Variants in METTL24 observed in about 807,000 individuals in gnomAD.
METTL24 encodes the protein methyltransferase like 24, also known as probable methyltransferase-like protein 24.
In METTL24, 29 loss-of-function variants were observed where a neutral mutation model predicts 32.7. That is an observed-to-expected ratio of 0.89 (90% confidence interval 0.66 to 1.21). The LOEUF is 1.21. METTL24 is among the 50% of genes most tolerant of loss of function. The pLI is 0.00. For missense variants in METTL24, 439 were observed against 468.1 expected (o/e 0.94, Z 0.57); for synonymous variants, 163 against 179.5 (o/e 0.91, Z 0.73).
chr6:110,341,298 G>T (rs1214004429), intron 1 of METTL24, among the ~76,000 whole-genome samples: 1 of 152,180 alleles, frequency 6.6e-6, no homozygotes, highest in Non-Finnish European at 1.5e-5. Context: ...CAGGAATAAG[G>T]CCCAGGCATT....
At chr6:110,269,558 TA>T (rs912206825) in intron 4 of METTL24, among the ~76,000 whole-genome samples, 1 of 152,186 alleles carries the variant, frequency 6.6e-6, no homozygotes, top group African/African-American at 2.4e-5. Context: ...AGAGCTATGA[TA>T]AAAAATGAGA....
intron 4 of METTL24, among the ~76,000 whole-genome samples, chr6:110,287,392 C>T (rs1771243680): frequency 6.6e-6 from 1 of 152,170 alleles, no homozygotes; most frequent in African/African-American, 2.4e-5. Context: ...GCTAAATTGC[C>T]ACTGGCTTAT....
At chr6:110,303,444 C>A (rs148884410) in intron 3 of METTL24, among the ~76,000 whole-genome samples, 3,649 of 152,286 alleles carry the variant, frequency 0.024, 157 homozygotes, top group African/African-American at 0.083. Context: ...GCACAGCAGT[C>A]TGAAGTTGAC....
chr6:110,322,921 TG>T (rs1324937632), intron 1 of METTL24, 49 bp from the exon 2 acceptor site: 3 of 1,473,910 alleles, frequency 2.0e-6, no homozygotes, highest in Admixed American at 3.4e-5. Flanking sequence ...AGGAACTGGG[TG>T]GGAGGAGAAG....
intron 1 of METTL24, among the ~76,000 whole-genome samples, chr6:110,356,930 T>C (rs1772711305): frequency 6.6e-6 from 1 of 152,160 alleles, no homozygotes; most frequent in South Asian, 2.1e-4. Flanking sequence ...AGTGCTGGGT[T>C]GTGGTGCTGA....
intron 4 of METTL24, among the ~76,000 whole-genome samples, chr6:110,262,271 T>C (rs148034793): frequency 0.072 from 10,898 of 152,030 alleles, 573 homozygotes; most frequent in African/African-American, 0.16. Flanking sequence ...ACAATAATAA[T>C]TGATAAAGGG....
chr6:110,296,676 A>G (rs1157386724), intron 4 of METTL24, among the ~76,000 whole-genome samples: 3 of 152,220 alleles, frequency 2.0e-5, no homozygotes, highest in East Asian at 3.8e-4. Flanking sequence ...AAATTACTAC[A>G]AAACTATATG....
intron 1 of METTL24, among the ~76,000 whole-genome samples, chr6:110,350,831 A>G (rs1408791318): frequency 2.6e-5 from 4 of 152,022 alleles, no homozygotes; most frequent in Non-Finnish European, 5.9e-5. Flanking sequence ...AAATTAGGCC[A>G]GGCTCAGTGG....
intron 4 of METTL24, among the ~76,000 whole-genome samples, chr6:110,273,342 T>C (rs894549808): frequency 1.3e-5 from 2 of 152,170 alleles, no homozygotes; most frequent in Admixed American, 1.3e-4. Context: ...AGCACAAAAT[T>C]TTCTTGCAAT....
In METTL24 at chr6:110,244,762, C is replaced by T. The variant is rs915308329; in HGVS notation, c.*1184G>A. Among the ~76,000 whole-genome samples, 2 of 152,150 alleles carry T rather than the reference C, an allele frequency of 1.3e-5. No homozygotes were observed. The highest frequency in any genetic ancestry group is 2.4e-5 in the African/African-American group (1 of 41,444). The stretch of plus-strand genomic sequence containing the variant: ...GATTCAATTACCTCTCACCAGGTCC[C>T]TCCCACAACACGTGGGGATTATGGG... On this transcript the variant is annotated 3_prime_UTR_variant, in exon 5 of 5. Transcript: ENST00000338882.
At chr6:110,271,698 G>C (rs536993006) in intron 4 of METTL24, among the ~76,000 whole-genome samples, 3 of 151,910 alleles carry the variant, frequency 2.0e-5, no homozygotes, top group African/African-American at 7.3e-5. Context: ...GTTATCTATG[G>C]GGTGATTTCC....
intron 1 of METTL24, among the ~76,000 whole-genome samples, chr6:110,334,526 T>TC (rs1772173552): frequency 6.6e-6 from 1 of 152,014 alleles, no homozygotes; most frequent in African/African-American, 2.4e-5. Context: ...GGTGCTTGAA[T>TC]CCTCTCCTCT....
At chr6:110,256,622 G>C (rs566044165) in intron 4 of METTL24, among the ~76,000 whole-genome samples, 1 of 152,082 alleles carries the variant, frequency 6.6e-6, no homozygotes, top group Admixed American at 6.6e-5. Context: ...CCTCCCCCTG[G>C]CCTTCCATCC....
At chr6:110,333,173 C>T (rs9487382) in intron 1 of METTL24, among the ~76,000 whole-genome samples, 7,363 of 152,132 alleles carry the variant, frequency 0.048, 584 homozygotes, top group African/African-American at 0.17. Flanking sequence ...AGTCAGTTAC[C>T]CTTCCCCCAA....
chr6:110,279,800 G>A (rs1262304670), intron 4 of METTL24, among the ~76,000 whole-genome samples: 5 of 152,072 alleles, frequency 3.3e-5, no homozygotes, highest in African/African-American at 1.2e-4. Flanking sequence ...CAAAGTACTT[G>A]TGTTGGTCCA....
At chr6:110,246,354 A>G (rs1778161024) in intron 4 of METTL24, 94 bp from the exon 5 acceptor site, 2 of 1,162,264 alleles carry the variant, frequency 1.7e-6, no homozygotes, top group East Asian at 2.5e-5. Context: ...AGGAAACAGA[A>G]TTTTTAAAAT....
intron 4 of METTL24, among the ~76,000 whole-genome samples, chr6:110,281,750 C>T (rs547656738): frequency 6.6e-6 from 1 of 150,926 alleles, no homozygotes; most frequent in South Asian, 2.1e-4. Flanking sequence ...CCAGTATATT[C>T]CTGAGCACTT....
intron 4 of METTL24, among the ~76,000 whole-genome samples, chr6:110,263,459 C>T (rs954194032): frequency 7.2e-5 from 11 of 151,968 alleles, no homozygotes; most frequent in Admixed American, 2.0e-4. Context: ...CACTGCTCAA[C>T]GAAATAAAAG....
At chr6:110,339,577 G>A (rs1772311687) in intron 1 of METTL24, among the ~76,000 whole-genome samples, 3 of 152,190 alleles carry the variant, frequency 2.0e-5, no homozygotes, top group South Asian at 4.1e-4. Flanking sequence ...CCAAAACTGG[G>A]AAGGGTGGGT....
Sources: gnomAD v4.1 joint callset for allele counts (sites outside exome capture counted in the v4.1 genomes callset) on GRCh38, gnomAD v4.1.1 for gene constraint, MANE v1.5 for transcripts, NCBI Gene and HGNC (gene_info 2026-07-23, HGNC 2026-07-21) for gene names.